The following LPAR3 variants were observed in gnomAD, a reference collection of about 807,000 sequenced individuals.
The protein encoded by LPAR3 is LPA receptor 3.
LPAR3 carries 7 observed loss-of-function variants against 17.8 expected under a neutral mutation model. The observed-to-expected ratio is 0.39, with a 90% CI of 0.22 to 0.74. The LOEUF is 0.74. Ranked by LOEUF, LPAR3 falls within the 30% of genes least tolerant of loss-of-function variation. The pLI is 0.40. For synonymous variants in LPAR3, 179 were observed against 179.9 expected, an observed-to-expected ratio of 0.99 and a Z score of 0.04; for missense variants, 391 against 453.4, an observed-to-expected ratio of 0.86 and a Z score of 1.25.
At chr1:84,838,423 C>A (rs1418876216) in intron 2 of LPAR3, among the ~76,000 whole-genome samples, 1 of 152,200 alleles carries the variant, frequency 6.6e-6, no homozygotes, top group Admixed American at 6.5e-5. Context: ...TGAACAGTAT[C>A]ACTGTACACC....
intron 2 of LPAR3, among the ~76,000 whole-genome samples, chr1:84,857,971 G>A (rs1659859954): frequency 6.6e-6 from 1 of 152,158 alleles, no homozygotes; most frequent in Non-Finnish European, 1.5e-5. Context: ...ATACGGGTGT[G>A]TGGGCAAGAG....
In LPAR3 at chr1:84,865,830, C is replaced by A; in HGVS notation, c.291G>T (p.Leu97Phe). 1.2e-6 allele frequency: 2 copies of A among 1,614,108 alleles called. No individual in the cohort carries two copies. The highest frequency in any genetic ancestry group is 1.1e-5 in the South Asian group (1 of 91,062). Residue 97 changes from leucine to phenylalanine, a missense_variant, in exon 2 of 3, where the codon TTG becomes TTT. By Grantham distance (22) the Leu-to-Phe change is conservative (BLOSUM62 0). Transcript: ENST00000370611. ...GACGGAGAAACCAGCGGTTGACAGT[C>A]AAAGTTTTTGAAACTGGGCCTGTGT... The part of the protein sequence containing the change: ...MFNTGPVSKT[L>F]TVNRWFLRQG...
chr1:84,861,763 C>A (rs1659946039), intron 2 of LPAR3, among the ~76,000 whole-genome samples: 1 of 152,184 alleles, frequency 6.6e-6, no homozygotes, highest in Non-Finnish European at 1.5e-5. Flanking sequence ...TTCTGAGGTC[C>A]TTGACACCAA....
At chr1:84,839,326 A>C (rs544953704) in intron 2 of LPAR3, among the ~76,000 whole-genome samples, 1 of 152,322 alleles carries the variant, frequency 6.6e-6, no homozygotes, top group Non-Finnish European at 1.5e-5. Context: ...AAGGGAAAAG[A>C]CATGTCTGAT....
Position 84,860,848 on chromosome 1 carries a change from C to T in LPAR3, c.736+4537G>A, listed in dbSNP as rs895906085. Among the ~76,000 whole-genome samples the T allele has an allele frequency of 2.0e-5, 3 of 150,862 alleles. No individual in the cohort carries two copies. The Admixed American group carries it at 2.0e-4, about 10-fold the overall frequency. On this transcript the variant is annotated intron_variant, in intron 2 of 2. Coordinates refer to ENST00000370611, the MANE Select transcript of LPAR3 (RefSeq NM_012152.3). ...CCACCTCCTGGGTTCAACCAATTCT[C>T]CTGCCTCAGCCTCCTGAGTAGCTGG...
At chr1:84,839,097 C>A (rs1557595140) in intron 2 of LPAR3, among the ~76,000 whole-genome samples, 2 of 152,198 alleles carry the variant, frequency 1.3e-5, no homozygotes, top group Non-Finnish European at 2.9e-5. Flanking sequence ...CATCAACCCT[C>A]CGAGGTAGGT....
At chr1:84,877,514 T>C (rs1225504326) in intron 1 of LPAR3, among the ~76,000 whole-genome samples, 1 of 152,194 alleles carries the variant, frequency 6.6e-6, no homozygotes. Flanking sequence ...CTCTTCCATA[T>C]TCCACAGCCT....
intron 1 of LPAR3, among the ~76,000 whole-genome samples, chr1:84,888,299 C>A (rs888798936): frequency 2.6e-5 from 4 of 151,930 alleles, no homozygotes; most frequent in Non-Finnish European, 5.9e-5. Context: ...TTCACCAGAC[C>A]CATGTGATAG....
At chr1:84,837,640 T>C (rs2102752915) in intron 2 of LPAR3, among the ~76,000 whole-genome samples, 1 of 152,336 alleles carries the variant, frequency 6.6e-6, no homozygotes, top group South Asian at 2.1e-4. Context: ...CAAATAATAT[T>C]CGTAAGTTTG....
At chr1:84,876,800 A>G (rs13374798) in intron 1 of LPAR3, among the ~76,000 whole-genome samples, 15,273 of 152,264 alleles carry the variant, frequency 0.1, 829 homozygotes, top group Non-Finnish European at 0.11. Flanking sequence ...AGAATGATCT[A>G]GTACACTTTT....
intron 2 of LPAR3, among the ~76,000 whole-genome samples, chr1:84,819,070 T>C (rs893407778): frequency 6.6e-6 from 1 of 152,240 alleles, no homozygotes; most frequent in African/African-American, 2.4e-5. Flanking sequence ...AAGTATAAAG[T>C]TGGCCAGTGT....
chr1:84,830,809 C>T (rs568526465), intron 2 of LPAR3, among the ~76,000 whole-genome samples: 7 of 152,186 alleles, frequency 4.6e-5, no homozygotes, highest in South Asian at 2.1e-4. Context: ...TGTTTTCAGA[C>T]GGAACATTTC....
intron 2 of LPAR3, among the ~76,000 whole-genome samples, chr1:84,828,278 G>A (rs750861118): frequency 6.6e-6 from 1 of 152,072 alleles, no homozygotes; most frequent in Non-Finnish European, 1.5e-5. Context: ...GCTTTTTGCT[G>A]CCAGGAGGGG....
intron 1 of LPAR3, among the ~76,000 whole-genome samples, chr1:84,869,731 C>T (rs1487774693): frequency 6.6e-6 from 1 of 152,120 alleles, no homozygotes; most frequent in Non-Finnish European, 1.5e-5. Context: ...TAATTAGAAG[C>T]ATATATTCTA....
intron 1 of LPAR3, among the ~76,000 whole-genome samples, chr1:84,871,864 A>C (rs1255838628): frequency 6.6e-6 from 1 of 151,808 alleles, no homozygotes; most frequent in Non-Finnish European, 1.5e-5. Context: ...GCTCAAATTC[A>C]TTTCCTCAGA....
chr1:84,883,360 C>G (rs2102773329), intron 1 of LPAR3, among the ~76,000 whole-genome samples: 1 of 152,318 alleles, frequency 6.6e-6, no homozygotes, highest in South Asian at 2.1e-4. Flanking sequence ...TCTCTTCTAC[C>G]AATCTAGTCA....
chr1:84,814,617 T>G (rs545590709), intron 2 of LPAR3, among the ~76,000 whole-genome samples: 20 of 152,228 alleles, frequency 1.3e-4, no homozygotes, highest in African/African-American at 4.8e-4. Context: ...TCACCCTACA[T>G]TCTGCTGTTA....
At position 84,813,657 on chromosome 1, in the gene LPAR3, T is replaced by C; in HGVS notation, c.*189A>G. 1 of 566,146 alleles carries C rather than the reference T, an allele frequency of 1.8e-6. No individual in the cohort carries two copies. The highest frequency in any genetic ancestry group is 3.1e-6 in the Non-Finnish European group (1 of 320,354). 35.1% of individuals were successfully genotyped at this position (566,146 alleles called of 1,614,324 possible). Reference sequence around the variant, plus strand: ...ACCTCTCCCGTTTCTGTGCTTTCTCTAAATGCAGCAGGTCCTCTCTTTACT... The same window carrying C: ...ACCTCTCCCGTTTCTGTGCTTTCTCCAAATGCAGCAGGTCCTCTCTTTACT... On this transcript the variant is annotated 3_prime_UTR_variant, in exon 3 of 3. Coordinates refer to ENST00000370611, the MANE Select transcript of LPAR3 (RefSeq NM_012152.3).
In LPAR3 at chr1:84,865,910, T is replaced by C. The variant is rs1557604040; in HGVS notation, c.211A>G (p.Asn71Asp). Residue 71 changes from asparagine (N) to aspartate (D), a missense_variant, in exon 2 of 3, where the codon AAT (asparagine) becomes GAT (aspartate). Transcript: ENST00000370611. ...FHFPFYYLLA[N>D]LAAADFFAGI... ...GCGAAGAAATCGGCAGCAGCTAAAT[T>C]AGCCAACAGGTAGTAGAAGGGGAAA... The C allele has an allele frequency of 1.2e-6, 2 of 1,614,088 alleles. No homozygotes were observed. Among genetic ancestry groups the C allele is most frequent in the East Asian group, 4.5e-5 (2 of 44,882 alleles).
Sources: gnomAD v4.1 joint callset for allele counts (sites outside exome capture counted in the v4.1 genomes callset) on GRCh38, gnomAD v4.1.1 for gene constraint, MANE v1.5 for transcripts, NCBI Gene and HGNC (gene_info 2026-07-23, HGNC 2026-07-21) for gene names.